The following HAPLN3 variants were observed in gnomAD, a reference collection of about 807,000 sequenced individuals.
HAPLN3 encodes extracellular link domain containing, 1.
A neutral mutation model predicts 28.1 loss-of-function variants in HAPLN3; 28 were observed. The ratio of observed to expected loss-of-function variants is 1.00; its 90% CI spans 0.74 to 1.37. The LOEUF (loss-of-function observed/expected upper bound fraction) is 1.37. Ranked by LOEUF, HAPLN3 falls within the 40% of genes most tolerant of loss-of-function variation. The pLI is 0.00. For synonymous variants in HAPLN3, 211 were observed against 213.1 expected (o/e 0.99, Z 0.09); for missense variants, 513 against 504.6 (o/e 1.02, Z -0.16).
intron 1 of HAPLN3, among the ~76,000 whole-genome samples, chr15:88,890,343 C>G (rs372174401): frequency 1.3e-5 from 2 of 152,070 alleles, no homozygotes; most frequent in African/African-American, 4.8e-5. Flanking sequence ...CCTGTAAGCC[C>G]CCTTGGTGAT....
intron 2 of HAPLN3, among the ~76,000 whole-genome samples, chr15:88,884,895 C>T (rs571456018): frequency 1.3e-5 from 2 of 152,254 alleles, no homozygotes; most frequent in African/African-American, 4.8e-5. Flanking sequence ...CCACCAGAAC[C>T]GGAAGAGGCA....
chr15:88,894,476 G>C (rs1324617131), intron 1 of HAPLN3, among the ~76,000 whole-genome samples: 1 of 152,178 alleles, frequency 6.6e-6, no homozygotes, highest in Non-Finnish European at 1.5e-5. Flanking sequence ...AGGTCTGCAC[G>C]AGCGCTGCTC....
chr15:88,889,894 C>A (rs1371637481), intron 1 of HAPLN3, among the ~76,000 whole-genome samples: 2 of 150,390 alleles, frequency 1.3e-5, no homozygotes, highest in African/African-American at 4.9e-5. Flanking sequence ...ACCATGTGGT[C>A]TTGTGAATGC....
Position 88,879,992 on chromosome 15 carries a change from G to C in HAPLN3, c.494-723C>G. 1 of 994,758 alleles carries C rather than the reference G, an allele frequency of 1.0e-6. No individual in the cohort carries two copies. The highest frequency in any genetic ancestry group is 1.2e-6 in the Non-Finnish European group (1 of 835,602). 61.6% of individuals were successfully genotyped at this position (994,758 alleles called of 1,614,324 possible). Reference sequence around the variant, plus strand: ...GAGGTGACCCTAGGGGTCTGGGAAGGACACTTTGGAATCTCCTCCGTGTGG... The same window carrying C: ...GAGGTGACCCTAGGGGTCTGGGAAGCACACTTTGGAATCTCCTCCGTGTGG... On this transcript the variant is annotated intron_variant, in intron 3 of 4. Transcript: ENST00000359595. The surrounding 1 kb of genome is among the most constrained non-coding windows in gnomAD (Gnocchi z 5.0).
intron 1 of HAPLN3, among the ~76,000 whole-genome samples, chr15:88,893,410 T>A (rs1453451277): frequency 7.3e-5 from 11 of 149,864 alleles, no homozygotes; most frequent in Non-Finnish European, 1.6e-4. Context: ...AGAGCAAGAC[T>A]CCAGCTCAAA....
chr15:88,890,920 C>T (rs1188730201), intron 1 of HAPLN3, among the ~76,000 whole-genome samples: 2 of 151,928 alleles, frequency 1.3e-5, no homozygotes, highest in Non-Finnish European at 2.9e-5. Flanking sequence ...CTCTGTCGCC[C>T]AGGCTGGAGT....
rs1018183759 is a variant in HAPLN3 at position 88,877,463 on chromosome 15, G to A, written c.*507C>T. The A allele has an allele frequency of 6.5e-6, 1 of 153,256 alleles. No homozygotes were observed. Among genetic ancestry groups the A allele is most frequent in the Non-Finnish European group, 1.5e-5 (1 of 68,796 alleles). 9.5% of individuals were successfully genotyped at this position (153,256 alleles called of 1,614,324 possible). A position where few individuals can be genotyped will look rare whatever the true frequency, so the allele number is the denominator to read the frequency against. On this transcript the variant is annotated 3_prime_UTR_variant, in exon 5 of 5. Coordinates refer to ENST00000359595, the MANE Select transcript of HAPLN3 (RefSeq NM_178232.4). The surrounding 1 kb of genome is among the most constrained non-coding windows in gnomAD (Gnocchi z 5.1). ...TCTTCCTTCCCTCAGCTTTCGCCTG[G>A]AAGCCTAGAACTGGCTTCCAGCCCT...
Position 88,887,259 on chromosome 15 carries a change from C to A in HAPLN3, c.40G>T (p.Gly14Cys). 6.2e-7 allele frequency: 1 copy of A among 1,614,106 alleles called. No individual in the cohort carries two copies. The highest frequency in any genetic ancestry group is 8.5e-7 in the Non-Finnish European group (1 of 1,179,998). The change falls in exon 2 of 5, where the codon GGC becomes TGC. Residue 14 changes from glycine (G) to cysteine (C), a missense_variant. Transcript: ENST00000359595. ...TTGTAGAAGGGCAGTCCGTAGGAGC[C>A]GGGCAGCAGGAGCAACGGGACCAGG... is the stretch of plus-strand genomic sequence containing the variant. ...LLLVPLLLLP[G>C]SYGLPFYNGF...
Sources: gnomAD v4.1 joint callset for allele counts (sites outside exome capture counted in the v4.1 genomes callset) on GRCh38, gnomAD v4.1.1 for gene constraint, Gnocchi (gnomAD v3.1) non-coding constraint, MANE v1.5 for transcripts, NCBI Gene and HGNC (gene_info 2026-07-23, HGNC 2026-07-21) for gene names.